The following CSMD1 variants were observed in gnomAD, a reference collection of about 807,000 sequenced individuals.
CSMD1 encodes CUB and sushi domain-containing protein 1.
CSMD1 carries 213 observed loss-of-function variants against 417.5 expected under a neutral mutation model. The ratio of observed to expected loss-of-function variants is 0.51; its 90% CI spans 0.46 to 0.57. The LOEUF (loss-of-function observed/expected upper bound fraction) is 0.57. CSMD1 is among the 20% of genes least tolerant of loss of function. The pLI is 0.00. For synonymous variants in CSMD1, 2,862 were observed against 1,736.8 expected (o/e 1.65, Z -16.11); for missense variants, 6,923 against 4,529.7 (o/e 1.53, Z -15.17).
chr8:4,262,753 T>G (rs1236144856), intron 3 of CSMD1, among the ~76,000 whole-genome samples: 1 of 152,186 alleles, frequency 6.6e-6, no homozygotes, highest in Non-Finnish European at 1.5e-5. Context: ...TTTTCTTTAC[T>G]TCCTTGCAAA....
chr8:4,829,473 G>A (rs1800017337), intron 1 of CSMD1, among the ~76,000 whole-genome samples: 1 of 152,076 alleles, frequency 6.6e-6, no homozygotes, highest in African/African-American at 2.4e-5. Flanking sequence ...CAGGTGCAGT[G>A]GCTAATACCT....
rs534982955 is a variant in CSMD1 at position 3,908,234 on chromosome 8, C to G, written c.818+89669G>C. Among the ~76,000 whole-genome samples the G allele has an allele frequency of 5.1e-5, 7 of 136,352 alleles. No homozygotes were observed. The East Asian group carries it at 1.3e-3, about 26-fold the overall frequency. The allele number at this position is 136,352 out of a possible 152,430, so 89.5% of individuals were successfully genotyped here. A position where few individuals can be genotyped will look rare whatever the true frequency, so the allele number is the denominator to read the frequency against. On this transcript the variant is annotated intron_variant, in intron 5 of 69. Transcript: ENST00000635120. ...TCATTATCAAATTTAATTTGCATAA[C>G]AATTTTAGGAGATATGAGAAAGCTG... is the stretch of plus-strand genomic sequence containing the variant.
chr8:4,797,700 G>A (rs1483554929), intron 1 of CSMD1, among the ~76,000 whole-genome samples: 1 of 152,108 alleles, frequency 6.6e-6, no homozygotes. Flanking sequence ...AGATTCACAA[G>A]CAACAAAGAT....
intron 3 of CSMD1, among the ~76,000 whole-genome samples, chr8:4,109,138 C>T (rs1203397420): frequency 2.0e-5 from 3 of 152,030 alleles, no homozygotes; most frequent in Non-Finnish European, 4.4e-5. Context: ...ATACCTAATA[C>T]AATGTAAATG....
At chr8:4,864,825 T>C (rs1802329204) in intron 1 of CSMD1, among the ~76,000 whole-genome samples, 1 of 151,264 alleles carries the variant, frequency 6.6e-6, no homozygotes, top group African/African-American at 2.4e-5. Flanking sequence ...TTTCATTGTA[T>C]ATAACATTTA....
chr8:3,199,852 C>A (rs192352838), intron 32 of CSMD1, 43 bp from the exon 33 acceptor site: 5 of 1,208,252 alleles, frequency 4.1e-6, no homozygotes, highest in South Asian at 2.7e-5. Context: ...CACACAGCAC[C>A]GTGGGGGACG....
At chr8:3,324,467 C>G (rs1806382700) in intron 23 of CSMD1, among the ~76,000 whole-genome samples, 1 of 151,048 alleles carries the variant, frequency 6.6e-6, no homozygotes, top group Non-Finnish European at 1.5e-5. Flanking sequence ...TTCCTTCCCC[C>G]CACCATTCTT....
intron 25 of CSMD1, among the ~76,000 whole-genome samples, chr8:3,288,641 T>G (rs1239237116): frequency 6.8e-6 from 1 of 147,246 alleles, no homozygotes; most frequent in Admixed American, 6.7e-5. Context: ...GGATGGGTGG[T>G]GATATCCCTT....
chr8:3,022,549 A>T (rs1809530772), intron 51 of CSMD1, among the ~76,000 whole-genome samples: 1 of 152,214 alleles, frequency 6.6e-6, no homozygotes. Context: ...ACTTTAAAAA[A>T]CACTTGTATT....
chr8:4,173,750 A>AT (rs1797891133), intron 3 of CSMD1, among the ~76,000 whole-genome samples: 1 of 152,036 alleles, frequency 6.6e-6, no homozygotes, highest in Non-Finnish European at 1.5e-5. Flanking sequence ...TAAAAAACTT[A>AT]TTTTCAATAT....
chr8:3,627,368 T>A (rs773856860), intron 7 of CSMD1, among the ~76,000 whole-genome samples: 1 of 152,200 alleles, frequency 6.6e-6, no homozygotes, highest in Non-Finnish European at 1.5e-5. Flanking sequence ...AGATCATGAA[T>A]TATTAAGTTA....
chr8:4,282,142 T>C (rs1471368267), intron 3 of CSMD1, among the ~76,000 whole-genome samples: 2 of 152,256 alleles, frequency 1.3e-5, no homozygotes, highest in Admixed American at 6.5e-5. Flanking sequence ...TTATACAATA[T>C]TGCTCAAATA....
chr8:2,974,927 C>A (rs666276), intron 55 of CSMD1, among the ~76,000 whole-genome samples: 1 of 152,050 alleles, frequency 6.6e-6, no homozygotes, highest in South Asian at 2.1e-4. Flanking sequence ...ATTTTTCCAT[C>A]GACCCTTAAC....
chr8:4,436,587 T>G (rs887281382), intron 2 of CSMD1, among the ~76,000 whole-genome samples: 1 of 152,152 alleles, frequency 6.6e-6, no homozygotes, highest in Non-Finnish European at 1.5e-5. Flanking sequence ...GTTGATTATA[T>G]CCATCCTGCT....
At chr8:4,993,571 C>A (rs529065125) in intron 1 of CSMD1, among the ~76,000 whole-genome samples, 16 of 152,260 alleles carry the variant, frequency 1.1e-4, no homozygotes, top group African/African-American at 3.6e-4. Flanking sequence ...GCCCAGGAGC[C>A]ACCCAGAGAA....
At chr8:3,944,718 G>C (rs1171964760) in intron 5 of CSMD1, among the ~76,000 whole-genome samples, 4 of 152,098 alleles carry the variant, frequency 2.6e-5, no homozygotes, top group Non-Finnish European at 5.9e-5. Flanking sequence ...TTTGTCTCTT[G>C]ACAATATTTC....
At chr8:4,465,940 A>G (rs1800140996) in intron 2 of CSMD1, among the ~76,000 whole-genome samples, 1 of 152,212 alleles carries the variant, frequency 6.6e-6, no homozygotes, top group African/African-American at 2.4e-5. Flanking sequence ...CAGTAGAGAA[A>G]TTATGTGCTT....
At chr8:4,341,613 G>C (rs571459545) in intron 3 of CSMD1, among the ~76,000 whole-genome samples, 2 of 152,208 alleles carry the variant, frequency 1.3e-5, no homozygotes, top group African/African-American at 4.8e-5. Flanking sequence ...CAGTGAAACT[G>C]TAACTTACGG....
At chr8:3,183,548 T>A in intron 36 of CSMD1, among the ~76,000 whole-genome samples, 2 of 95,810 alleles carry the variant, frequency 2.1e-5, no homozygotes, top group Admixed American at 1.2e-4. Context: ...TATCTATCCC[T>A]GAAACATCGA....
Sources: gnomAD v4.1 joint callset for allele counts (sites outside exome capture counted in the v4.1 genomes callset) on GRCh38, gnomAD v4.1.1 for gene constraint, MANE v1.5 for transcripts, NCBI Gene and HGNC (gene_info 2026-07-23, HGNC 2026-07-21) for gene names.